The following PGAP4 variants were observed in gnomAD, a reference collection of about 807,000 sequenced individuals.
The protein encoded by PGAP4 is GPI-N-acetylgalactosamine transferase PGAP4.
In PGAP4, 12 loss-of-function variants were observed where a neutral mutation model predicts 28.2. That is an observed-to-expected ratio of 0.42 (90% CI 0.27 to 0.69). The LOEUF (loss-of-function observed/expected upper bound fraction) is 0.69, where lower values mean the gene tolerates loss of function less well. Ranked by LOEUF, PGAP4 falls within the 30% of genes least tolerant of loss-of-function variation. The pLI is 0.22. For missense variants in PGAP4, 425 were observed against 513.5 expected, an observed-to-expected ratio of 0.83 and a Z score of 1.67; for synonymous variants, 205 against 211.8, an observed-to-expected ratio of 0.97 and a Z score of 0.28.
At chr9:101,501,922 C>A (rs554100698) in intron 2 of PGAP4, 71 of 367,270 alleles carry the variant, frequency 1.9e-4, no homozygotes, top group African/African-American at 1.3e-3. Flanking sequence ...AAGGAAAGAA[C>A]CAGCGTCGCC....
intron 2 of PGAP4, among the ~76,000 whole-genome samples, chr9:101,529,665 T>C (rs28456163): frequency 2.6e-5 from 4 of 152,100 alleles, no homozygotes; most frequent in East Asian, 3.9e-4. Flanking sequence ...TGTAGTATAG[T>C]GGGCCAGGTG....
intron 2 of PGAP4, among the ~76,000 whole-genome samples, chr9:101,497,222 A>G (rs1323268046): frequency 6.6e-6 from 1 of 151,492 alleles, no homozygotes; most frequent in Non-Finnish European, 1.5e-5. Context: ...ATTTATAAGC[A>G]TTTATTTCAT....
At chr9:101,517,498 T>A (rs945747054) in intron 2 of PGAP4, among the ~76,000 whole-genome samples, 18 of 152,092 alleles carry the variant, frequency 1.2e-4, no homozygotes, top group Admixed American at 1.1e-3. Flanking sequence ...AAATAAGATA[T>A]CAAGTTTTAA....
intron 1 of PGAP4, among the ~76,000 whole-genome samples, chr9:101,485,372 C>A (rs367674676): frequency 6.6e-6 from 1 of 151,786 alleles, no homozygotes; most frequent in Non-Finnish European, 1.5e-5. Context: ...GCCCATATAA[C>A]CATCAAAATA....
chr9:101,519,631 G>A (rs1311290042), intron 2 of PGAP4, among the ~76,000 whole-genome samples: 1 of 149,540 alleles, frequency 6.7e-6, no homozygotes, highest in Admixed American at 6.7e-5. Context: ...CTATATATAT[G>A]TATATGTATG....
intron 2 of PGAP4, among the ~76,000 whole-genome samples, chr9:101,525,490 T>C (rs1470985283): frequency 2.0e-5 from 3 of 151,936 alleles, no homozygotes; most frequent in Non-Finnish European, 4.4e-5. Context: ...GCAGATTGCC[T>C]GATGTCGGGA....
upstream of PGAP4, among the ~76,000 whole-genome samples, chr9:101,488,304 G>A (rs182028194): frequency 1.9e-3 from 286 of 152,324 alleles, no homozygotes; most frequent in African/African-American, 6.5e-3. Context: ...AGCACAGAAA[G>A]GGAGCTTGGG....
chr9:101,509,305 C>A (rs927352981), intron 2 of PGAP4, among the ~76,000 whole-genome samples: 1 of 152,162 alleles, frequency 6.6e-6, no homozygotes, highest in East Asian at 1.9e-4. Context: ...TAGTGGCCCC[C>A]ATAATTTTAG....
At chr9:101,504,890 C>A (rs569839203) in intron 2 of PGAP4, among the ~76,000 whole-genome samples, 18 of 151,980 alleles carry the variant, frequency 1.2e-4, no homozygotes, top group Admixed American at 6.6e-5. Flanking sequence ...GGGTTGGGCA[C>A]CAAAAAGCTG....
chr9:101,489,726 T>C (rs942236843), upstream of PGAP4, among the ~76,000 whole-genome samples: 9 of 152,168 alleles, frequency 5.9e-5, no homozygotes, highest in South Asian at 2.1e-4. Flanking sequence ...ATGCAATCCA[T>C]GTAGCTCAAA....
At chr9:101,533,448 C>G (rs1454434623) in exon 1 of PGAP4, 1 of 152,252 alleles carries the variant, frequency 6.6e-6, no homozygotes, top group African/African-American at 2.4e-5. Flanking sequence ...GGGGTACCAA[C>G]GAACAATTTT....
intron 1 of PGAP4, among the ~76,000 whole-genome samples, chr9:101,484,473 C>CT (rs757831668): frequency 2.4e-4 from 37 of 152,284 alleles, no homozygotes; most frequent in Non-Finnish European, 2.6e-4. Context: ...GTTTGTCCTC[C>CT]TCCTGCCCAG....
At chr9:101,525,013 C>T (rs1405425178) in intron 2 of PGAP4, among the ~76,000 whole-genome samples, 4 of 152,334 alleles carry the variant, frequency 2.6e-5, no homozygotes, top group Middle Eastern at 3.4e-3. Flanking sequence ...TCCAGTCCTT[C>T]GTTCATGAGC....
intron 2 of PGAP4, among the ~76,000 whole-genome samples, chr9:101,522,919 G>C (rs1343219604): frequency 6.6e-6 from 1 of 152,132 alleles, no homozygotes; most frequent in Non-Finnish European, 1.5e-5. Flanking sequence ...GTGGTGGCTT[G>C]GTAATGGCAA....
chr9:101,524,146 C>T (rs139305687), intron 2 of PGAP4, among the ~76,000 whole-genome samples: 6 of 151,324 alleles, frequency 4.0e-5, no homozygotes, highest in East Asian at 3.9e-4. Flanking sequence ...GGTTGGGGGG[C>T]GGGTGTGCAA....
In PGAP4 at chr9:101,474,536, A is replaced by G. The variant is rs1826240146; in HGVS notation, c.*1345T>C. 1 of 152,228 alleles carries G rather than the reference A, an allele frequency of 6.6e-6. No individual in the cohort carries two copies. The highest frequency in any genetic ancestry group is 1.5e-5 in the Non-Finnish European group (1 of 68,044). 9.4% of individuals were successfully genotyped at this position (152,228 alleles called of 1,614,324 possible). ...GAGATCATTTCCAGTTTGAATGAAC[A>G]ATTCTTCTTTTTGGCTTGGGTGAAC... On this transcript the variant is annotated 3_prime_UTR_variant, in exon 2 of 2. Coordinates refer to ENST00000374848, the MANE Select transcript of PGAP4 (RefSeq NM_032342.3).
intron 2 of PGAP4, among the ~76,000 whole-genome samples, chr9:101,507,171 C>A (rs930078150): frequency 6.6e-6 from 1 of 152,062 alleles, no homozygotes; most frequent in African/African-American, 2.4e-5. Context: ...GACTTGAGTG[C>A]TCTCCAGTTC....
intron 2 of PGAP4, among the ~76,000 whole-genome samples, chr9:101,515,401 C>T (rs72743397): frequency 0.16 from 24,212 of 151,994 alleles, 2,427 homozygotes; most frequent in East Asian, 0.36. Context: ...AAGATCACGT[C>T]GGCAAAGACC....
At chr9:101,480,232 C>T (rs1826444291) in intron 1 of PGAP4, among the ~76,000 whole-genome samples, 1 of 152,168 alleles carries the variant, frequency 6.6e-6, no homozygotes, top group Non-Finnish European at 1.5e-5. Flanking sequence ...TCCCCAAAAT[C>T]TCAGTGGCTT....
Sources: gnomAD v4.1 joint callset for allele counts (sites outside exome capture counted in the v4.1 genomes callset) on GRCh38, gnomAD v4.1.1 for gene constraint, MANE v1.5 for transcripts, NCBI Gene and HGNC (gene_info 2026-07-23, HGNC 2026-07-21) for gene names.